ADAMTSL1: variants seen among roughly 807,000 people sequenced by gnomAD.
ADAMTSL1 encodes ADAMTS-like protein 1.
A neutral mutation model predicts 201.8 loss-of-function variants in ADAMTSL1; 126 were observed. The observed-to-expected ratio is 0.62, with a 90% CI of 0.54 to 0.72. The LOEUF is 0.72. Ranked by LOEUF, ADAMTSL1 falls within the 30% of genes least tolerant of loss-of-function variation. The pLI is 0.00. For synonymous variants in ADAMTSL1, 1,121 were observed against 903.4 expected (o/e 1.24, Z -4.32); for missense variants, 2,679 against 2,277.8 (o/e 1.18, Z -3.59).
chr9:18,570,339 A>T (rs1822218695), intron 3 of ADAMTSL1, among the ~76,000 whole-genome samples: 1 of 152,218 alleles, frequency 6.6e-6, no homozygotes, highest in Non-Finnish European at 1.5e-5. Context: ...CTCTATACAA[A>T]TTATTTTTAT....
intron 16 of ADAMTSL1, among the ~76,000 whole-genome samples, chr9:18,766,471 T>C (rs922195206): frequency 6.6e-6 from 1 of 152,192 alleles, no homozygotes; most frequent in Non-Finnish European, 1.5e-5. Flanking sequence ...GGAACTCTTT[T>C]TCAAATGATC....
chr9:18,655,737 A>G (rs1828598740), intron 7 of ADAMTSL1, among the ~76,000 whole-genome samples: 1 of 148,446 alleles, frequency 6.7e-6, no homozygotes, highest in South Asian at 2.1e-4. Flanking sequence ...TTTAAATGAA[A>G]GTTTTTTTCT....
At position 18,270,844 on chromosome 9, in the gene ADAMTSL1, A is replaced by C. The variant is rs78809986; in HGVS notation, c.207+106863A>C. On this transcript the variant is annotated intron_variant, in intron 2 of 29. Transcript: ENST00000680146. ...CCCAAGGGAAATATGAGTGGAAGTG[A>C]TATATGTCATTCGGGCAAGTGGTGA... 5.3e-3 allele frequency among the ~76,000 whole-genome samples: 814 copies of C among 152,260 alleles called. 10 individuals are homozygous for C. The highest frequency in any genetic ancestry group is 0.019 in the African/African-American group (788 of 41,572).
At chr9:18,170,265 T>A (rs543252793) in intron 2 of ADAMTSL1, among the ~76,000 whole-genome samples, 3 of 152,048 alleles carry the variant, frequency 2.0e-5, no homozygotes, top group Non-Finnish European at 2.9e-5. Flanking sequence ...TCTAAATCAT[T>A]TCTACATTTT....
chr9:18,364,584 G>A (rs1295035741), intron 2 of ADAMTSL1, among the ~76,000 whole-genome samples: 1 of 152,074 alleles, frequency 6.6e-6, no homozygotes, highest in Non-Finnish European at 1.5e-5. Flanking sequence ...TATATAAACA[G>A]ACCCTCACAG....
chr9:18,343,823 A>C (rs941433994), intron 2 of ADAMTSL1, among the ~76,000 whole-genome samples: 1 of 152,058 alleles, frequency 6.6e-6, no homozygotes, highest in Non-Finnish European at 1.5e-5. Flanking sequence ...CATTTATTGA[A>C]TCCTTGATTC....
chr9:18,825,715 A>T, intron 21 of ADAMTSL1, among the ~76,000 whole-genome samples: 1 of 151,404 alleles, frequency 6.6e-6, no homozygotes, highest in African/African-American at 2.4e-5. Context: ...TTTCTCAGTC[A>T]CAACCCCTCC....
Position 17,977,347 on chromosome 9 carries a change from T to A in ADAMTSL1, c.87+70425T>A, listed in dbSNP as rs575847269. Among the ~76,000 whole-genome samples, 11 of 152,260 alleles carry A rather than the reference T, an allele frequency of 7.2e-5. No individual in the cohort carries two copies. The South Asian group carries it at 2.3e-3, about 32-fold the overall frequency. ...AGCAATGCTGGCCTTATAAAATTAATTTGGAAAAATTCATTCTTCAAAAAG... is the reference window on the plus strand; with the variant it reads ...AGCAATGCTGGCCTTATAAAATTAAATTGGAAAAATTCATTCTTCAAAAAG... On this transcript the variant is annotated intron_variant, in intron 1 of 29. Coordinates refer to the ADAMTSL1 transcript ENST00000680146.
chr9:18,455,153 A>C (rs1820553440), intron 2 of ADAMTSL1, among the ~76,000 whole-genome samples: 1 of 152,218 alleles, frequency 6.6e-6, no homozygotes, highest in African/African-American at 2.4e-5. Flanking sequence ...ATTGCAAAGT[A>C]AGCTTTAGGT....
At chr9:17,973,063 A>ACAATG (rs1270463088) in intron 1 of ADAMTSL1, among the ~76,000 whole-genome samples, 24 of 97,430 alleles carry the variant, frequency 2.5e-4, no homozygotes, top group East Asian at 7.0e-4. Context: ...TCTGGATATT[A>ACAATG]ACCCTTTGTC....
chr9:18,013,047 A>G (rs1820120136), intron 1 of ADAMTSL1, among the ~76,000 whole-genome samples: 1 of 151,164 alleles, frequency 6.6e-6, no homozygotes, highest in Admixed American at 6.6e-5. Flanking sequence ...TCTTATCTCC[A>G]TTACCCTTAG....
chr9:18,314,195 G>T (rs2132811386), intron 2 of ADAMTSL1, among the ~76,000 whole-genome samples: 1 of 152,294 alleles, frequency 6.6e-6, no homozygotes, highest in Middle Eastern at 3.4e-3. Flanking sequence ...ATGTTGGTGA[G>T]GATATGGGGA....
At chr9:18,280,325 C>G (rs1334690511) in intron 2 of ADAMTSL1, among the ~76,000 whole-genome samples, 1 of 151,434 alleles carries the variant, frequency 6.6e-6, no homozygotes, top group Non-Finnish European at 1.5e-5. Context: ...AACCTAGGGC[C>G]TAAGGGGGTG....
At chr9:17,997,873 CCAAACTAGCAGCTG>C (rs1330222417) in intron 1 of ADAMTSL1, among the ~76,000 whole-genome samples, 1 of 152,014 alleles carries the variant, frequency 6.6e-6, no homozygotes, top group African/African-American at 2.4e-5. Context: ...TCCTGATACT[CCAAACTAGCAGCTG>C]CATTCACTTA....
At chr9:18,581,529 TA>T (rs934407509) in intron 4 of ADAMTSL1, among the ~76,000 whole-genome samples, 6 of 152,162 alleles carry the variant, frequency 3.9e-5, no homozygotes, top group Non-Finnish European at 7.3e-5. Context: ...ACTGTAACTC[TA>T]AAATATTATC....
chr9:18,355,996 C>T (rs1159034092), intron 2 of ADAMTSL1, among the ~76,000 whole-genome samples: 1 of 152,262 alleles, frequency 6.6e-6, no homozygotes, highest in Non-Finnish European at 1.5e-5. Flanking sequence ...ACCCACTTGG[C>T]CCACCTGGGC....
At chr9:18,531,008 C>A (rs537297676) in intron 2 of ADAMTSL1, among the ~76,000 whole-genome samples, 18 of 152,302 alleles carry the variant, frequency 1.2e-4, no homozygotes, top group South Asian at 6.2e-4. Context: ...TGTAAATTTA[C>A]CATCAGCTGG....
chr9:18,688,944 G>A (rs1340367917), intron 13 of ADAMTSL1, among the ~76,000 whole-genome samples: 1 of 151,638 alleles, frequency 6.6e-6, no homozygotes, highest in Non-Finnish European at 1.5e-5. Context: ...ATTATCTTCT[G>A]TTAAAGTTCA....
At chr9:18,884,355 C>T (rs1334839903) in intron 23 of ADAMTSL1, among the ~76,000 whole-genome samples, 1 of 152,152 alleles carries the variant, frequency 6.6e-6, no homozygotes, top group African/African-American at 2.4e-5. Context: ...TATTTTCTCT[C>T]ATTCTGTGAG....
Sources: allele counts gnomAD v4.1 joint callset (sites outside exome capture counted in the v4.1 genomes callset), GRCh38; gene constraint gnomAD v4.1.1; transcripts MANE v1.5; gene names NCBI Gene and HGNC (gene_info 2026-07-23, HGNC 2026-07-21).